SMUG1: variants seen among roughly 807,000 people sequenced by gnomAD.
The protein encoded by SMUG1 is single-strand-selective monofunctional uracil-DNA glycosylase 1, also known as single-strand selective monofunctional uracil DNA glycosylase.
A neutral mutation model predicts 23.9 loss-of-function variants in SMUG1; 13 were observed. That is an observed-to-expected ratio of 0.54 (90% CI 0.35 to 0.86). The LOEUF (loss-of-function observed/expected upper bound fraction) is 0.86, where lower values mean the gene tolerates loss of function less well. Ranked by LOEUF, SMUG1 falls within the 40% of genes least tolerant of loss-of-function variation. The pLI is 0.01. For missense variants in SMUG1, 313 were observed against 339.5 expected, an observed-to-expected ratio of 0.92 and a Z score of 0.61; for synonymous variants, 133 against 139.8, an observed-to-expected ratio of 0.95 and a Z score of 0.34.
downstream of SMUG1, among the ~76,000 whole-genome samples, chr12:54,178,047 A>T (rs907987684): frequency 6.6e-6 from 1 of 152,200 alleles, no homozygotes; most frequent in African/African-American, 2.4e-5. Context: ...CCAAGAAGAG[A>T]AACACCAGGG....
chr12:54,166,262 G>A (rs1940460716), intron 3 of SMUG1, among the ~76,000 whole-genome samples: 1 of 152,212 alleles, frequency 6.6e-6, no homozygotes, highest in Non-Finnish European at 1.5e-5. Context: ...TCGGGAGGCT[G>A]AGGCAGGAGA....
rs780826001 is a variant in SMUG1, at chr12:54,158,978, A to G, written n.687+6396T>C. On this transcript the variant is annotated intron_variant and non_coding_transcript_variant, in intron 4 of 5. Coordinates refer to the SMUG1 transcript ENST00000634429. ...GCCTTGGAGAAAGGTCATTCATTTA[A>G]TATCCTATCCCAGTTTCCCAAGTCA... 2.6e-4 allele frequency among the ~76,000 whole-genome samples: 39 copies of G among 152,116 alleles called. 1 individual carries two copies. The highest frequency in any genetic ancestry group is 3.1e-4 in the Non-Finnish European group (21 of 68,034).
downstream of SMUG1, among the ~76,000 whole-genome samples, chr12:54,159,813 G>A (rs1308427349): frequency 6.6e-6 from 1 of 152,200 alleles, no homozygotes; most frequent in Non-Finnish European, 1.5e-5. Flanking sequence ...AGCATGTGCT[G>A]GCAGCCGTGT....
At chr12:54,166,300 G>A (rs1940462481) in intron 3 of SMUG1, among the ~76,000 whole-genome samples, 1 of 152,238 alleles carries the variant, frequency 6.6e-6, no homozygotes, top group African/African-American at 2.4e-5. Flanking sequence ...GGCAGAGGTT[G>A]CAGTGAGCCT....
downstream of SMUG1, among the ~76,000 whole-genome samples, chr12:54,179,662 T>C (rs1326615659): frequency 1.3e-5 from 2 of 152,124 alleles, no homozygotes; most frequent in African/African-American, 4.8e-5. Context: ...AAGACTGCTC[T>C]CACTTCAGAT....
intron 2 of SMUG1, chr12:54,172,337 C>T (rs1395886668): frequency 7.2e-6 from 2 of 276,910 alleles, no homozygotes; most frequent in Non-Finnish European, 1.5e-5. Context: ...CACATGAGGG[C>T]TTTTGCCCTC....
intron 3 of SMUG1, among the ~76,000 whole-genome samples, chr12:54,166,905 C>T (rs1592343964): frequency 1.3e-5 from 2 of 152,278 alleles, no homozygotes; most frequent in East Asian, 3.9e-4. Flanking sequence ...ATAGTCTCCA[C>T]CCTCACACGC....
rs1281590906 is a variant in SMUG1, at chr12:54,181,396, C to A, written c.*700G>T. 5 of 682,984 alleles carry A rather than the reference C, an allele frequency of 7.3e-6. No individual in the cohort carries two copies. In the East Asian group the frequency reaches 8.1e-5, roughly 11 times the overall value. The allele number at this position is 682,984 out of a possible 1,614,324, so 42.3% of individuals were successfully genotyped here. A position where few individuals can be genotyped will look rare whatever the true frequency, so the allele number is the denominator to read the frequency against. On this transcript the variant is annotated 3_prime_UTR_variant, in exon 4 of 4. Coordinates refer to ENST00000682136, the MANE Select transcript of SMUG1 (RefSeq NM_001243787.2). Reference sequence around the variant, plus strand: ...CCACATGCCAAGCCCATGCAAGGCACTTTCAAGTGTGATCTCAGTTAATCC... The same window carrying A: ...CCACATGCCAAGCCCATGCAAGGCAATTTCAAGTGTGATCTCAGTTAATCC...
Position 54,181,434 on chromosome 12 carries a change from C to T in SMUG1, c.*662G>A. On this transcript the variant is annotated 3_prime_UTR_variant, in exon 4 of 4. Coordinates refer to ENST00000682136, the MANE Select transcript of SMUG1 (RefSeq NM_001243787.2). ...TCTCAGTTAATCCTCACACCAACCC[C>T]ATAAGGTAGGCATCCCTGTTTTACA... 1.1e-6 allele frequency: 1 copy of T among 917,098 alleles called. No homozygotes were observed. Among genetic ancestry groups the T allele is most frequent in the Non-Finnish European group, 1.7e-6 (1 of 597,120 alleles). The allele number at this position is 917,098 out of a possible 1,614,324, so 56.8% of individuals were successfully genotyped here. A position where few individuals can be genotyped will look rare whatever the true frequency, so the allele number is the denominator to read the frequency against.
Position 54,171,888 on chromosome 12 carries a change from GTCT to G in SMUG1, c.*52+134_*52+136del, listed in dbSNP as rs1461573294. 4.5e-5 allele frequency: 14 copies of G among 307,870 alleles called. No individual in the cohort carries two copies. The East Asian group carries it at 1.0e-3, about 22-fold the overall frequency. 19.1% of individuals were successfully genotyped at this position (307,870 alleles called of 1,614,324 possible). ...TGGTCACTCGGGCCAAAAAATCTTGGTCTTATCCTCTACTCCTCTTTCTTTCAT... is the reference window on the plus strand; with the variant it reads ...TGGTCACTCGGGCCAAAAAATCTTGGTATCCTCTACTCCTCTTTCTTTCAT... On this transcript the variant is annotated intron_variant and NMD_transcript_variant, in intron 3 of 4. Transcript: ENST00000509864.
downstream of SMUG1, among the ~76,000 whole-genome samples, chr12:54,162,934 T>C (rs185510454): frequency 6.6e-6 from 1 of 152,196 alleles, no homozygotes; most frequent in East Asian, 1.9e-4. Context: ...CCCCCAGCCA[T>C]AGAGGTAAAT....
At chr12:54,173,686 T>TCCGCACGCC (rs1325024121) in intron 2 of SMUG1, among the ~76,000 whole-genome samples, 10 of 83,634 alleles carry the variant, frequency 1.2e-4, no homozygotes, top group Admixed American at 1.7e-4. Context: ...CCCCGCACGC[T>TCCGCACGCC]CCGCACGCCC....
chr12:54,176,316 T>C (rs1447163572), downstream of SMUG1, among the ~76,000 whole-genome samples: 3 of 149,898 alleles, frequency 2.0e-5, no homozygotes, highest in African/African-American at 7.4e-5. Flanking sequence ...GTTCAGGAGA[T>C]AGAGACCAGC....
chr12:54,171,857 T>C (rs564222787), intron 3 of SMUG1, among the ~76,000 whole-genome samples: 2 of 152,258 alleles, frequency 1.3e-5, no homozygotes, highest in African/African-American at 4.8e-5. Flanking sequence ...GGCAAATCCA[T>C]TGCTGTGGTC....
At chr12:54,164,173 G>C (rs893240646), downstream of SMUG1, among the ~76,000 whole-genome samples, 1 of 152,024 alleles carries the variant, frequency 6.6e-6, no homozygotes, top group African/African-American at 2.4e-5. Context: ...ATGCCACAGA[G>C]ATGGAGAAGG....
intron 2 of SMUG1, among the ~76,000 whole-genome samples, chr12:54,186,644 A>C (rs540707467): frequency 6.6e-6 from 1 of 152,188 alleles, no homozygotes; most frequent in African/African-American, 2.4e-5. Flanking sequence ...CCAGCCTGGG[A>C]ATCTGTATTT....
Position 54,181,964 on chromosome 12 carries a change from A to G in SMUG1, c.*132T>C. The G allele has an allele frequency of 6.7e-7, 1 of 1,499,388 alleles. No individual in the cohort carries two copies. The highest frequency in any genetic ancestry group is 8.9e-7 in the Non-Finnish European group (1 of 1,127,180). 92.9% of individuals were successfully genotyped at this position (1,499,388 alleles called of 1,614,324 possible). A position where few individuals can be genotyped will look rare whatever the true frequency, so the allele number is the denominator to read the frequency against. On this transcript the variant is annotated 3_prime_UTR_variant, in exon 4 of 4. Coordinates refer to ENST00000682136, the MANE Select transcript of SMUG1 (RefSeq NM_001243787.2). ...GGTTGGAAGACAGTTCAACAGATCAAAGAATACGTTTCCCAGCGACCAGGG... is the reference window on the plus strand; with the variant it reads ...GGTTGGAAGACAGTTCAACAGATCAGAGAATACGTTTCCCAGCGACCAGGG...
At chr12:54,178,581 A>G (rs1038852808), downstream of SMUG1, among the ~76,000 whole-genome samples, 2 of 151,762 alleles carry the variant, frequency 1.3e-5, no homozygotes, top group Non-Finnish European at 2.9e-5. Flanking sequence ...TTGCCCCTTC[A>G]TCTCCTTCTA....
intron 1 of SMUG1, among the ~76,000 whole-genome samples, chr12:54,188,285 TAATAATAATA>T (rs1223587324): frequency 6.7e-5 from 2 of 29,984 alleles, no homozygotes; most frequent in Admixed American, 3.6e-4. Context: ...ATAATAATAA[TAATAATAATA>T]AATAATAATA....
Sources: gnomAD v4.1 joint callset for allele counts (sites outside exome capture counted in the v4.1 genomes callset) on GRCh38, gnomAD v4.1.1 for gene constraint, MANE v1.5 for transcripts, NCBI Gene and HGNC (gene_info 2026-07-23, HGNC 2026-07-21) for gene names.